Variants in GRM5 observed in about 807,000 individuals in gnomAD.
GRM5 encodes metabotropic glutamate receptor 5.
In GRM5, 19 loss-of-function variants were observed where a neutral mutation model predicts 83.1. The observed-to-expected ratio is 0.23, with a 90% CI of 0.16 to 0.34. The LOEUF (loss-of-function observed/expected upper bound fraction) is 0.34, where lower values mean the gene tolerates loss of function less well. GRM5 is among the 10% of genes least tolerant of loss of function. The pLI is 1.00. For synonymous variants in GRM5, 675 were observed against 633.6 expected (o/e 1.07, Z -0.98); for missense variants, 1,160 against 1,588.3 (o/e 0.73, Z 4.58).
intron 7 of GRM5, among the ~76,000 whole-genome samples, chr11:88,578,620 G>T (rs1414375074): frequency 1.3e-5 from 2 of 152,142 alleles, no homozygotes; most frequent in Non-Finnish European, 2.9e-5. Context: ...GGGGCTTTCA[G>T]CCCTTTTTTT....
Position 88,694,787 on chromosome 11 carries a change from T to C in GRM5, c.912-41384A>G, listed in dbSNP as rs77892785. On this transcript the variant is annotated intron_variant, in intron 3 of 9. Transcript: ENST00000305447. ...ATTATATAGATATGATTGCTTATGATTGCAGTATCACATTAGGTTATTGAT... is the reference window on the plus strand; with the variant it reads ...ATTATATAGATATGATTGCTTATGACTGCAGTATCACATTAGGTTATTGAT... Among the ~76,000 whole-genome samples the C allele has an allele frequency of 9.0e-3, 1,371 of 152,264 alleles. 14 individuals carry two copies. Among genetic ancestry groups the C allele is most frequent in the African/African-American group, 0.031 (1,288 of 41,564 alleles).
intron 9 of GRM5, among the ~76,000 whole-genome samples, chr11:88,520,442 A>G (rs1389092912): frequency 1.3e-5 from 2 of 152,158 alleles, no homozygotes; most frequent in East Asian, 3.9e-4. Flanking sequence ...TACATCTGTT[A>G]TTATGTGTTA....
At chr11:88,571,831 AAGGCAGG>A (rs1302526990) in intron 7 of GRM5, among the ~76,000 whole-genome samples, 10 of 152,172 alleles carry the variant, frequency 6.6e-5, no homozygotes, top group African/African-American at 2.4e-4. Flanking sequence ...ATAGATTGAA[AAGGCAGG>A]AGGCTGTGAT....
At chr11:89,000,956 CATT>C in intron 2 of GRM5, among the ~76,000 whole-genome samples, 1 of 144,440 alleles carries the variant, frequency 6.9e-6, no homozygotes, top group Non-Finnish European at 1.5e-5. Context: ...AAAATTCCAA[CATT>C]ATTGGCCACC....
intron 2 of GRM5, among the ~76,000 whole-genome samples, chr11:88,921,899 A>G (rs547784197): frequency 1.4e-5 from 2 of 146,108 alleles, no homozygotes; most frequent in Non-Finnish European, 3.0e-5. Flanking sequence ...GTAAAGTTTC[A>G]GAATACCAAA....
intron 3 of GRM5, among the ~76,000 whole-genome samples, chr11:88,710,947 T>G (rs1056046327): frequency 6.6e-6 from 1 of 152,088 alleles, no homozygotes; most frequent in Non-Finnish European, 1.5e-5. Flanking sequence ...TTTATAAAAC[T>G]GGTATTTATC....
chr11:88,593,284 A>T (rs11020578), intron 6 of GRM5, among the ~76,000 whole-genome samples: 2,043 of 152,334 alleles, frequency 0.013, 24 homozygotes, highest in East Asian at 0.048. Flanking sequence ...TCTAAATTGT[A>T]CATTTAATAG....
At chr11:88,781,352 C>G (rs905592697) in intron 3 of GRM5, among the ~76,000 whole-genome samples, 1 of 152,014 alleles carries the variant, frequency 6.6e-6, no homozygotes, top group Non-Finnish European at 1.5e-5. Context: ...ACTGGAAACA[C>G]TACATAAATG....
At chr11:88,744,542 T>G (rs189018359) in intron 3 of GRM5, among the ~76,000 whole-genome samples, 2 of 152,254 alleles carry the variant, frequency 1.3e-5, no homozygotes, top group African/African-American at 2.4e-5. Context: ...TGCACATTTC[T>G]ATGCCTTTCA....
At chr11:88,784,451 A>G (rs765824947) in intron 3 of GRM5, among the ~76,000 whole-genome samples, 1 of 152,078 alleles carries the variant, frequency 6.6e-6, no homozygotes, top group Non-Finnish European at 1.5e-5. Flanking sequence ...AATACAAATC[A>G]TATTTAATCA....
chr11:88,581,777 G>T (rs149108383), intron 7 of GRM5, among the ~76,000 whole-genome samples: 54 of 152,228 alleles, frequency 3.5e-4, no homozygotes, highest in African/African-American at 1.2e-3. Context: ...ATGAAAAAGC[G>T]ACCGTGAAAT....
chr11:88,817,460 T>A (rs1177091178), intron 3 of GRM5, among the ~76,000 whole-genome samples: 1 of 152,140 alleles, frequency 6.6e-6, no homozygotes, highest in Non-Finnish European at 1.5e-5. Flanking sequence ...TTTTCCAGTT[T>A]CATGTCATCA....
At chr11:88,987,496 G>T (rs1182435650) in intron 2 of GRM5, among the ~76,000 whole-genome samples, 2 of 152,016 alleles carry the variant, frequency 1.3e-5, no homozygotes, top group African/African-American at 4.8e-5. Context: ...CTCGAACTGG[G>T]TGGAGCCCAC....
At chr11:88,617,128 A>G (rs1170110836) in intron 4 of GRM5, among the ~76,000 whole-genome samples, 1 of 152,208 alleles carries the variant, frequency 6.6e-6, no homozygotes. Context: ...AAACAAAACT[A>G]AACATAGCAA....
intron 2 of GRM5, among the ~76,000 whole-genome samples, chr11:88,908,609 T>A (rs137928331): frequency 6.6e-6 from 1 of 152,132 alleles, no homozygotes; most frequent in African/African-American, 2.4e-5. Flanking sequence ...CCTTAAGTTC[T>A]ATTTTCAGCT....
At chr11:88,654,391 C>G (rs1323032311) in intron 3 of GRM5, among the ~76,000 whole-genome samples, 1 of 152,092 alleles carries the variant, frequency 6.6e-6, no homozygotes, top group East Asian at 1.9e-4. Flanking sequence ...TGACTTGTCC[C>G]TCTTCACTGC....
intron 2 of GRM5, among the ~76,000 whole-genome samples, chr11:88,984,046 T>TA (rs996509347): frequency 6.6e-6 from 1 of 152,186 alleles, no homozygotes; most frequent in African/African-American, 2.4e-5. Flanking sequence ...ATTATGATAA[T>TA]AAAAAACTTA....
chr11:88,630,635 A>G (rs1327555159), intron 4 of GRM5, among the ~76,000 whole-genome samples: 4 of 151,528 alleles, frequency 2.6e-5, no homozygotes, highest in African/African-American at 7.3e-5. Context: ...CTGGAGTGCA[A>G]TGGTGCGATC....
At chr11:88,862,618 G>A (rs947236377) in intron 2 of GRM5, among the ~76,000 whole-genome samples, 4 of 152,034 alleles carry the variant, frequency 2.6e-5, no homozygotes, top group African/African-American at 9.7e-5. Context: ...GGACTGTGTA[G>A]TATTGATATT....
Sources: gnomAD v4.1 joint callset for allele counts (sites outside exome capture counted in the v4.1 genomes callset) on GRCh38, gnomAD v4.1.1 for gene constraint, MANE v1.5 for transcripts, NCBI Gene and HGNC (gene_info 2026-07-23, HGNC 2026-07-21) for gene names.